PHF3: variants seen among roughly 807,000 people sequenced by gnomAD.
PHF3 encodes PHD finger protein 3.
A neutral mutation model predicts 178.4 loss-of-function variants in PHF3; 41 were observed. The ratio of observed to expected loss-of-function variants is 0.23; its 90% CI spans 0.18 to 0.30. PHF3 has a LOEUF of 0.30. PHF3 is among the 10% of genes least tolerant of loss of function. The pLI is 1.00. For missense variants in PHF3, 2,346 were observed against 2,398.1 expected (o/e 0.98, Z 0.45); for synonymous variants, 842 against 800.5 (o/e 1.05, Z -0.88).
intron 10 of PHF3, 105 bp downstream of exon 10, chr6:63,702,744 T>G: frequency 8.7e-7 from 1 of 1,149,588 alleles, no homozygotes; most frequent in Non-Finnish European, 1.2e-6. Flanking sequence ...AAAATATGCA[T>G]CCATTTAAAA....
intron 1 of PHF3, among the ~76,000 whole-genome samples, chr6:63,640,488 A>G (rs1371791615): frequency 1.3e-5 from 2 of 152,206 alleles, no homozygotes; most frequent in Non-Finnish European, 1.5e-5. Context: ...ATTAAATGGC[A>G]TGATGCATTT....
chr6:63,700,597 T>C, intron 9 of PHF3, 131 bp downstream of exon 9: 1 of 545,416 alleles, frequency 1.8e-6, no homozygotes, highest in Admixed American at 3.1e-5. Flanking sequence ...TGCTTCTTTT[T>C]TTTTTGAGAT....
chr6:63,654,639 T>G (rs984390384), intron 2 of PHF3, among the ~76,000 whole-genome samples: 1 of 152,180 alleles, frequency 6.6e-6, no homozygotes, highest in African/African-American at 2.4e-5. Flanking sequence ...CATAGATATT[T>G]GGAAGTTTAT....
At chr6:63,660,038 TTG>T (rs550554796) in intron 2 of PHF3, among the ~76,000 whole-genome samples, 4 of 151,892 alleles carry the variant, frequency 2.6e-5, no homozygotes, top group Admixed American at 6.6e-5. Flanking sequence ...TATTTTGTTT[TTG>T]TGTGTGTGTG....
At chr6:63,690,674 CCTT>C (rs1334241388) in intron 4 of PHF3, among the ~76,000 whole-genome samples, 1 of 152,072 alleles carries the variant, frequency 6.6e-6, no homozygotes, top group Admixed American at 6.5e-5. Flanking sequence ...ATACCTAAAT[CCTT>C]CTAAGTCTTT....
chr6:63,685,648 C>A lies in PHF3; in HGVS notation c.1926C>A (p.His642Gln). Residue 642 changes from histidine (H) to glutamine (Q), a missense_variant, in exon 4 of 16, where the codon CAC (histidine) becomes CAA (glutamine). His to Gln is a conservative substitution (Grantham distance 24, BLOSUM62 0). Coordinates refer to ENST00000262043, the MANE Select transcript of PHF3 (RefSeq NM_001370348.2). The stretch of plus-strand genomic sequence containing the variant: ...CCCCAGCAATGAAAACCAATAGTCA[C>A]GTGAAGGAAGAGCTTGAACACCCAG... ...QQAPAMKTNS[H>Q]VKEELEHPGV... is the part of the protein sequence containing the mutation. 2 of 1,613,962 alleles carry A rather than the reference C, an allele frequency of 1.2e-6. No homozygotes were observed. Among genetic ancestry groups the A allele is most frequent in the South Asian group, 1.1e-5 (1 of 91,084 alleles).
intron 2 of PHF3, among the ~76,000 whole-genome samples, chr6:63,676,514 T>A (rs921299830): frequency 2.6e-5 from 4 of 152,182 alleles, no homozygotes; most frequent in African/African-American, 7.2e-5. Context: ...AGAGCCTTCA[T>A]GCAGCGGGAA....
At chr6:63,694,822 C>G (rs973571614) in intron 6 of PHF3, 58 bp downstream of exon 6, 2 of 964,134 alleles carry the variant, frequency 2.1e-6, no homozygotes, top group African/African-American at 1.7e-5. Context: ...ATTTAAGATA[C>G]AATTAATTAG....
At chr6:63,669,184 T>TA (rs1765804727) in intron 2 of PHF3, among the ~76,000 whole-genome samples, 1 of 152,236 alleles carries the variant, frequency 6.6e-6, no homozygotes. Context: ...GGGAAATAAT[T>TA]ATTGTAAATA....
At position 63,721,782 on chromosome 6, in the gene PHF3, A is replaced by G; in HGVS notation, c.*8074A>G. 6.5e-7 allele frequency: 1 copy of G among 1,542,558 alleles called. No homozygotes were observed. The highest frequency in any genetic ancestry group is 8.8e-7 in the Non-Finnish European group (1 of 1,142,380). ...TTGAACGGAACTATTTACTAAAGAG[A>G]TGCATAAAAAATCACCTGCAAGAAA... On this transcript the variant is annotated 3_prime_UTR_variant, in exon 16 of 16. Transcript: ENST00000262043.
At position 63,691,805 on chromosome 6, in the gene PHF3, A is replaced by G. The variant is rs1243605332; in HGVS notation, c.2258A>G (p.Gln753Arg). ...HGDCVGLSLS[Q>R]AQQMGEEDKE... ...GATTGTGTTGGGTTAAGTCTTTCTC[A>G]AGCACAGCAGATGGGCGAGGAAGAC... is the stretch of plus-strand genomic sequence containing the variant. Residue 753 changes from glutamine (Q) to arginine (R), a missense_variant, in exon 5 of 16, where the codon CAA becomes CGA. Gln to Arg is a conservative substitution (Grantham distance 43). Coordinates refer to ENST00000262043, the MANE Select transcript of PHF3 (RefSeq NM_001370348.2). 3 of 1,613,862 alleles carry G rather than the reference A, an allele frequency of 1.9e-6. No homozygotes were observed. The highest frequency in any genetic ancestry group is 2.5e-6 in the Non-Finnish European group (3 of 1,179,848).
Position 63,685,781 on chromosome 6 carries a change from C to T in PHF3, c.2059C>T (p.Pro687Ser), listed in dbSNP as rs1396589038. The change falls in exon 4 of 16, where the codon CCA becomes TCA. Residue 687 changes from proline (P) to serine (S), a missense_variant. By Grantham distance (74) the Pro-to-Ser change is moderately conservative (BLOSUM62 -1). Coordinates refer to ENST00000262043, the MANE Select transcript of PHF3 (RefSeq NM_001370348.2). The part of the protein sequence containing the change: ...SSKSFSLDEP[P>S]LFIPDNIATI... ...CAAAAGTTTTTCTTTAGATGAGCCACCATTGTTCATTCCAGATAACATAGC... is the reference window on the plus strand; with the variant it reads ...CAAAAGTTTTTCTTTAGATGAGCCATCATTGTTCATTCCAGATAACATAGC... 1 of 1,613,896 alleles carries T rather than the reference C, an allele frequency of 6.2e-7. No homozygotes were observed. The highest frequency in any genetic ancestry group is 1.7e-5 in the Admixed American group (1 of 60,000).
rs114787406 is a variant in PHF3, at chr6:63,723,002, G to C, written c.*9294G>C. Reference sequence around the variant, plus strand: ...TTTATGAGAACAGGGTCTGTGTTTGGTTTGGTCCAACAGTTGATTCCCAGC... The same window carrying C: ...TTTATGAGAACAGGGTCTGTGTTTGCTTTGGTCCAACAGTTGATTCCCAGC... On this transcript the variant is annotated 3_prime_UTR_variant, in exon 16 of 16. Transcript: ENST00000262043. Among the ~76,000 whole-genome samples the C allele has an allele frequency of 5.8e-3, 879 of 152,270 alleles. 2 individuals are homozygous for C. Among genetic ancestry groups the C allele is most frequent in the Non-Finnish European group, 9.4e-3 (637 of 68,026 alleles).
At chr6:63,694,897 A>G (rs952738506) in intron 6 of PHF3, 133 bp downstream of exon 6, 6 of 440,540 alleles carry the variant, frequency 1.4e-5, no homozygotes, top group Non-Finnish European at 2.2e-5. Context: ...AGGCAATACA[A>G]ATGGGTTAGG....
In PHF3 at chr6:63,651,973, C is replaced by T. The variant is rs1681935; in HGVS notation, c.244+5178C>T. On this transcript the variant is annotated intron_variant, in intron 2 of 15. Coordinates refer to ENST00000262043, the MANE Select transcript of PHF3 (RefSeq NM_001370348.2). ...TGTTGGTAGACACTTAGGTCGATTT[C>T]GTATTATGGCTATTGTTAATAGTGC... Among the ~76,000 whole-genome samples the T allele has an allele frequency of 6.4e-3, 971 of 152,200 alleles. 9 individuals are homozygous for T. The highest frequency in any genetic ancestry group is 0.022 in the African/African-American group (906 of 41,518).
chr6:63,650,958 C>T (rs942443799), intron 2 of PHF3, among the ~76,000 whole-genome samples: 1 of 152,116 alleles, frequency 6.6e-6, no homozygotes, highest in African/African-American at 2.4e-5. Context: ...AATTAGATCT[C>T]TGAATCCAAC....
In PHF3 at chr6:63,723,628, A is replaced by G. The variant is rs2149628053; in HGVS notation, c.*9920A>G. Among the ~76,000 whole-genome samples the G allele has an allele frequency of 6.6e-6, 1 of 152,080 alleles. No individual in the cohort carries two copies. The highest frequency in any genetic ancestry group is 1.9e-4 in the East Asian group (1 of 5,196). ...GGATAGCTTCTGCGAAGAAAGGATT[A>G]TTTTAACTCAGCTAGTATGTTCTTA... On this transcript the variant is annotated 3_prime_UTR_variant, in exon 16 of 16. Coordinates refer to ENST00000262043, the MANE Select transcript of PHF3 (RefSeq NM_001370348.2).
chr6:63,636,944 G>C (rs1326176327), intron 1 of PHF3: 1 of 152,120 alleles, frequency 6.6e-6, no homozygotes, highest in Non-Finnish European at 1.5e-5. Flanking sequence ...CTTTCCCTCA[G>C]GATGTGTTGC....
chr6:63,699,202 G>A (rs776534430), intron 8 of PHF3, among the ~76,000 whole-genome samples: 3 of 152,176 alleles, frequency 2.0e-5, no homozygotes, highest in African/African-American at 4.8e-5. Flanking sequence ...GTATGTGTCA[G>A]TGTTAGCTCT....
Sources: gnomAD v4.1 joint callset for allele counts (sites outside exome capture counted in the v4.1 genomes callset) on GRCh38, gnomAD v4.1.1 for gene constraint, MANE v1.5 for transcripts, NCBI Gene and HGNC (gene_info 2026-07-23, HGNC 2026-07-21) for gene names.